The following VWCE variants were observed in gnomAD, a reference collection of about 807,000 sequenced individuals.
VWCE encodes the protein von Willebrand factor C and EGF domain-containing protein.
A neutral mutation model predicts 102.9 loss-of-function variants in VWCE; 68 were observed. That is an observed-to-expected ratio of 0.66 (90% CI 0.54 to 0.81). The LOEUF is 0.81. Among genes scored for constraint, VWCE ranks in the 30% least tolerant of loss-of-function variants. The pLI, the probability that VWCE is intolerant of heterozygous loss-of-function variation, is 0.00. For missense variants in VWCE, 1,137 were observed against 1,263.6 expected, an observed-to-expected ratio of 0.90 and a Z score of 1.52; for synonymous variants, 497 against 515.4, an observed-to-expected ratio of 0.96 and a Z score of 0.48.
At chr11:61,281,743 G>C (rs778595595) in intron 7 of VWCE, 43 bp downstream of exon 7, 4 of 1,576,632 alleles carry the variant, frequency 2.5e-6, no homozygotes, top group South Asian at 1.2e-5. Flanking sequence ...CAGGCACTGA[G>C]GGGGCGTGGC....
At chr11:61,288,494 G>A (rs375864912) in intron 4 of VWCE, among the ~76,000 whole-genome samples, 8 of 152,168 alleles carry the variant, frequency 5.3e-5, no homozygotes, top group East Asian at 1.9e-4. Context: ...CAGCTGGACC[G>A]TCAAGACCAT....
chr11:61,289,060 G>A (rs879727068), intron 4 of VWCE, among the ~76,000 whole-genome samples: 2 of 151,572 alleles, frequency 1.3e-5, no homozygotes, highest in Admixed American at 6.6e-5. Flanking sequence ...GGCTGGTCTC[G>A]AACCCCTGAC....
chr11:61,274,883 G>A (rs560335662), intron 11 of VWCE, among the ~76,000 whole-genome samples: 88 of 152,252 alleles, frequency 5.8e-4, no homozygotes, highest in Non-Finnish European at 1.1e-3. Context: ...TCAAAACAGC[G>A]AGACCCCATC....
chr11:61,261,143 C>A (rs967541207), intron 19 of VWCE, among the ~76,000 whole-genome samples: 6 of 151,692 alleles, frequency 4.0e-5, no homozygotes, highest in Non-Finnish European at 8.8e-5. Context: ...TTGCTGGAAA[C>A]CGGGAGGTGG....
intron 5 of VWCE, among the ~76,000 whole-genome samples, chr11:61,285,264 T>C (rs913989471): frequency 2.0e-5 from 3 of 152,166 alleles, no homozygotes; most frequent in African/African-American, 4.8e-5. Context: ...TTTCTCATAA[T>C]TTATGAAAAT....
At chr11:61,277,913 A>G (rs956097114) in intron 10 of VWCE, among the ~76,000 whole-genome samples, 2 of 151,994 alleles carry the variant, frequency 1.3e-5, no homozygotes, top group African/African-American at 4.8e-5. Context: ...ATCTCAGCTC[A>G]CTGCAACGTC....
At chr11:61,268,200 A>C (rs1185290298) in intron 15 of VWCE, among the ~76,000 whole-genome samples, 1 of 152,098 alleles carries the variant, frequency 6.6e-6, no homozygotes, top group African/African-American at 2.4e-5. Flanking sequence ...CAAATTTAAC[A>C]GTGCTAATAG....
rs576835997 is a variant in VWCE at position 61,288,064 on chromosome 11, A to G, written c.425-1634T>C. On this transcript the variant is annotated intron_variant, in intron 4 of 19. Coordinates refer to ENST00000335613, the MANE Select transcript of VWCE (RefSeq NM_152718.2). ...TCCCAGCTACTTGGGAGGCTGAGGC[A>G]TAAGAATCGCTGAACCAGGAAGTCA... 5.3e-5 allele frequency among the ~76,000 whole-genome samples: 8 copies of G among 151,564 alleles called. No individual in the cohort carries two copies. The South Asian group carries it at 1.7e-3, about 32-fold the overall frequency.
At chr11:61,273,767 C>T (rs539241079) in intron 12 of VWCE, 2 of 168,626 alleles carry the variant, frequency 1.2e-5, no homozygotes, top group East Asian at 3.7e-4. Context: ...TCCAGAGATG[C>T]CTAGATGGTC....
At position 61,271,238 on chromosome 11, in the gene VWCE, C is replaced by T. The variant is rs187881717; in HGVS notation, c.1785+437G>A. On this transcript the variant is annotated intron_variant, in intron 14 of 19. Transcript: ENST00000335613. Reference sequence around the variant, plus strand: ...TCAGCTCACTGCAACCTCCTCCTCCCGGGTTCAAACGATTCTCCTGCCTCA... The same window carrying T: ...TCAGCTCACTGCAACCTCCTCCTCCTGGGTTCAAACGATTCTCCTGCCTCA... The T allele has an allele frequency of 1.1e-3, 206 of 180,880 alleles. 1 individual carries two copies. Among genetic ancestry groups the T allele is most frequent in the Middle Eastern group, 5.1e-3 (2 of 394 alleles). The allele number at this position is 180,880 out of a possible 1,614,324, so 11.2% of individuals were successfully genotyped here. A position where few individuals can be genotyped will look rare whatever the true frequency, so the allele number is the denominator to read the frequency against.
intron 19 of VWCE, among the ~76,000 whole-genome samples, chr11:61,262,789 C>T (rs1452076704): frequency 6.6e-6 from 1 of 152,072 alleles, no homozygotes; most frequent in Non-Finnish European, 1.5e-5. Flanking sequence ...AAAAAAATTC[C>T]CTGTCTTCCT....
In VWCE at chr11:61,259,244, C is replaced by A. The variant is rs1436403629; in HGVS notation, c.2299G>T (p.Gly767Cys). ...TCAGTGTCTCCATGCAGGCTCCGAC[C>A]AGCTTTGCTGAATGCCACATTTCCG... ...PHGNVAFSKA[G>C]RSLHGDTEAP... Residue 767 changes from glycine to cysteine, a missense_variant, in exon 20 of 20, where the codon GGT (glycine) becomes TGT (cysteine). By Grantham distance (159) the Gly-to-Cys change is radical. Around this residue, in one of 5 missense-constraint regions of VWCE, gnomAD observed 316 missense variants for 319.3 expected, o/e 0.99. Transcript: ENST00000335613. The A allele has an allele frequency of 1.2e-6, 2 of 1,612,830 alleles. No homozygotes were observed. Among genetic ancestry groups the A allele is most frequent in the South Asian group, 2.2e-5 (2 of 91,012 alleles).
chr11:61,282,932 G>GAAA, intron 5 of VWCE, 27 bp from the exon 6 acceptor site: 1 of 1,579,738 alleles, frequency 6.3e-7, no homozygotes, highest in Non-Finnish European at 8.7e-7. Flanking sequence ...CAAGACTGGG[G>GAAA]TTCATTTCCC....
chr11:61,291,448 G>A, intron 2 of VWCE, 34 bp downstream of exon 2: 2 of 1,562,126 alleles, frequency 1.3e-6, no homozygotes, highest in Non-Finnish European at 1.7e-6. Flanking sequence ...CACTGCTGGA[G>A]GAGAAGACTT....
chr11:61,271,902 A>G, intron 13 of VWCE, 142 bp from the exon 14 acceptor site: 2 of 708,292 alleles, frequency 2.8e-6, no homozygotes, highest in African/African-American at 1.8e-5. Context: ...ACACTCATAC[A>G]AATGCACACT....
At chr11:61,280,756 C>T (rs373482873) in intron 8 of VWCE, 37 bp downstream of exon 8, 1,324 of 1,613,248 alleles carry the variant, frequency 8.2e-4, no homozygotes, top group Non-Finnish European at 1.1e-3. Flanking sequence ...CCACAAGGCC[C>T]CAGACCAAGG....
chr11:61,290,915 G>T lies in VWCE; in HGVS notation c.308C>A (p.Pro103Gln). The T allele has an allele frequency of 6.2e-7, 1 of 1,613,554 alleles. No homozygotes were observed. Among genetic ancestry groups the T allele is most frequent in the South Asian group, 1.1e-5 (1 of 91,080 alleles). Residue 103 changes from proline (P) to glutamine (Q), a missense_variant, in exon 4 of 20, where the codon CCA becomes CAA. Pro to Gln is a moderately conservative substitution (Grantham distance 76, BLOSUM62 -1). Coordinates refer to ENST00000335613, the MANE Select transcript of VWCE (RefSeq NM_152718.2). ...AAGGTCACAGCCGTACTCCCCACAT[G>T]GTCCATGGGTTTCTAGAGCAGGCAT... ...QGATCPETHG[P>Q]CGEYGCDLTC...
intron 6 of VWCE, 46 bp downstream of exon 6, chr11:61,282,743 G>T: frequency 6.6e-7 from 1 of 1,513,094 alleles, no homozygotes; most frequent in Non-Finnish European, 9.2e-7. Flanking sequence ...CCATCCTCCT[G>T]ATTGGCAGCC....
At chr11:61,276,908 G>A (rs1347626501) in intron 10 of VWCE, among the ~76,000 whole-genome samples, 2 of 119,526 alleles carry the variant, frequency 1.7e-5, no homozygotes, top group Non-Finnish European at 3.5e-5. Context: ...GAGAGGAGAG[G>A]AGAAAGGGAG....
Sources: allele counts gnomAD v4.1 joint callset (sites outside exome capture counted in the v4.1 genomes callset), GRCh38; gene constraint gnomAD v4.1.1; regional missense constraint gnomAD v4.1.1; transcripts MANE v1.5; gene names NCBI Gene and HGNC (gene_info 2026-07-23, HGNC 2026-07-21).